The following CYTH2 variants were observed in gnomAD, a reference collection of about 807,000 sequenced individuals.
CYTH2 encodes cytohesin 2.
CYTH2 carries 24 observed loss-of-function variants against 55.4 expected under a neutral mutation model. The ratio of observed to expected loss-of-function variants is 0.43; its 90% CI spans 0.31 to 0.61. CYTH2 has a LOEUF of 0.61. CYTH2 is among the 20% of genes least tolerant of loss of function. The pLI, the probability that CYTH2 is intolerant of heterozygous loss-of-function variation, is 0.08. For synonymous variants in CYTH2, 221 were observed against 209.6 expected (o/e 1.05, Z -0.47); for missense variants, 378 against 533.5 (o/e 0.71, Z 2.87).
Position 48,473,319 on chromosome 19 carries a change from G to A in CYTH2, c.375G>A (p.Val125=). The A allele has an allele frequency of 6.2e-7, 1 of 1,614,102 alleles. No homozygotes were observed. The highest frequency in any genetic ancestry group is 1.1e-5 in the South Asian group (1 of 91,080). The part of the protein sequence containing the change: ...LGEREELNLA[V]LHAFVDLHEF... ...CCAGGGAAGAACTGAACCTGGCAGT[G>A]CTCCATGCTTTTGTGGATCTGCATG... Residue 125 remains valine, a synonymous_variant, in exon 5 of 12, where the codon GTG becomes GTA. Coordinates refer to ENST00000452733, the MANE Select transcript of CYTH2 (RefSeq NM_004228.7).
At chr19:48,475,045 T>G in intron 8 of CYTH2, 96 bp downstream of exon 8, 1 of 1,081,402 alleles carries the variant, frequency 9.2e-7, no homozygotes, top group Non-Finnish European at 1.4e-6. Context: ...CTGCCTGAAC[T>G]GAGGCAAATG....
intron 4 of CYTH2, 28 bp downstream of exon 4, chr19:48,472,471 G>GCGCCCCCCCCCCCCCCCCC: frequency 6.3e-7 from 1 of 1,584,682 alleles, no homozygotes. Context: ...CTCCTGTGGG[G>GCGCCCCCCCCCCCCCCCCC]CCCCTCCCTC....
chr19:48,479,890 C>T lies in CYTH2; in HGVS notation c.*680C>T, dbSNP rs937098264. ...GCAAGGGCCTTGCTGATGGGATGTC[C>T]TGAAGGGCTGGGCAGCCTTAGATCG... On this transcript the variant is annotated 3_prime_UTR_variant, in exon 12 of 12. Coordinates refer to ENST00000452733, the MANE Select transcript of CYTH2 (RefSeq NM_004228.7). 6.6e-6 allele frequency: 1 copy of T among 151,304 alleles called. No individual in the cohort carries two copies. The highest frequency in any genetic ancestry group is 1.5e-5 in the Non-Finnish European group (1 of 67,860). 9.4% of individuals were successfully genotyped at this position (151,304 alleles called of 1,614,324 possible).
Position 48,469,403 on chromosome 19 carries a change from G to T in CYTH2, c.-105G>T. 8.0e-7 allele frequency: 1 copy of T among 1,245,768 alleles called. No homozygotes were observed. Among genetic ancestry groups the T allele is most frequent in the Non-Finnish European group, 1.0e-6 (1 of 973,058 alleles). The allele number at this position is 1,245,768 out of a possible 1,614,324, so 77.2% of individuals were successfully genotyped here. ...GACTGGCGCTGAGGAGGCGGCGGTG[G>T]CTCCCGGGGCGTTTGAGCGGGCTCA... On this transcript the variant is annotated 5_prime_UTR_variant, in exon 1 of 12. Transcript: ENST00000452733.
In CYTH2 at chr19:48,479,663, C is replaced by T. The variant is rs904729763; in HGVS notation, c.*453C>T. 6.0e-6 allele frequency: 1 copy of T among 165,296 alleles called. No homozygotes were observed. Among genetic ancestry groups the T allele is most frequent in the Admixed American group, 5.7e-5 (1 of 17,686 alleles). 10.2% of individuals were successfully genotyped at this position (165,296 alleles called of 1,614,324 possible). On this transcript the variant is annotated 3_prime_UTR_variant, in exon 12 of 12. Coordinates refer to ENST00000452733, the MANE Select transcript of CYTH2 (RefSeq NM_004228.7). ...AGCATTCATTCTAGAAGTTACTTGACAGCCATCAGCCAGTTACGCTACAGC... is the reference window on the plus strand; with the variant it reads ...AGCATTCATTCTAGAAGTTACTTGATAGCCATCAGCCAGTTACGCTACAGC...
intron 4 of CYTH2, 21 bp downstream of exon 4, chr19:48,472,464 C>A (rs773686916): frequency 6.2e-6 from 10 of 1,604,762 alleles, no homozygotes; most frequent in Non-Finnish European, 8.5e-6. Flanking sequence ...CACTCAGCTC[C>A]TGTGGGGCCC....
intron 8 of CYTH2, chr19:48,477,648 G>C (rs923309580): frequency 5.2e-6 from 1 of 192,618 alleles, no homozygotes; most frequent in African/African-American, 2.3e-5. Flanking sequence ...GGCTCTTGGG[G>C]GTGCTCCATT....
Position 48,479,319 on chromosome 19 carries a change from C to T in CYTH2, c.*109C>T. 1.0e-6 allele frequency: 1 copy of T among 986,130 alleles called. No individual in the cohort carries two copies. The highest frequency in any genetic ancestry group is 1.6e-6 in the Non-Finnish European group (1 of 635,566). The allele number at this position is 986,130 out of a possible 1,614,324, so 61.1% of individuals were successfully genotyped here. On this transcript the variant is annotated 3_prime_UTR_variant, in exon 12 of 12. Transcript: ENST00000452733. ...GGTTCCCTGTTTGGAAAATTCACCACCTCTAGCTCCTCACTGTTCTTTGTA... is the reference window on the plus strand; with the variant it reads ...GGTTCCCTGTTTGGAAAATTCACCATCTCTAGCTCCTCACTGTTCTTTGTA...
intron 11 of CYTH2, 97 bp from the exon 12 acceptor site, chr19:48,479,026 G>A (rs887430808): frequency 7.8e-7 from 1 of 1,288,118 alleles, no homozygotes; most frequent in Non-Finnish European, 1.1e-6. Flanking sequence ...TGAGGGAGGA[G>A]GGGCCGGGGG....
Position 48,479,503 on chromosome 19 carries a change from C to A in CYTH2, c.*293C>A. 1 of 436,722 alleles carries A rather than the reference C, an allele frequency of 2.3e-6. No homozygotes were observed. Among genetic ancestry groups the A allele is most frequent in the Non-Finnish European group, 4.2e-6 (1 of 238,292 alleles). 27.1% of individuals were successfully genotyped at this position (436,722 alleles called of 1,614,324 possible). A position where few individuals can be genotyped will look rare whatever the true frequency, so the allele number is the denominator to read the frequency against. ...TGTCTCTGGGTGCTGCCTGGGCTGT[C>A]CCGGTGGGTCTGTTCTGGTTTCACC... On this transcript the variant is annotated 3_prime_UTR_variant, in exon 12 of 12. Transcript: ENST00000452733.
In CYTH2 at chr19:48,474,744, A is replaced by G; in HGVS notation, c.697-94A>G. 9.7e-7 allele frequency: 1 copy of G among 1,034,074 alleles called. No homozygotes were observed. The highest frequency in any genetic ancestry group is 1.5e-6 in the Non-Finnish European group (1 of 667,094). 64.1% of individuals were successfully genotyped at this position (1,034,074 alleles called of 1,614,324 possible). On this transcript the variant is annotated intron_variant, in intron 7 of 11. Transcript: ENST00000452733. The surrounding 1 kb of genome is among the most constrained non-coding windows in gnomAD (Gnocchi z 4.9). ...CTACCCCTCTCTCTTCCCCACTATG[A>G]GTCATCCCATCCCTGGTCTCGCTGC... is the stretch of plus-strand genomic sequence containing the variant.
rs767366958 is a variant in CYTH2 at position 48,472,390 on chromosome 19, G to C, written c.300G>C (p.Leu100=). ...QNTPEEIARF[L]YKGEGLNKTA... Reference sequence around the variant, plus strand: ...CACCCGAGGAGATCGCCCGCTTCCTGTACAAGGGCGAGGGGCTGAACAAGA... The same window carrying C: ...CACCCGAGGAGATCGCCCGCTTCCTCTACAAGGGCGAGGGGCTGAACAAGA... The change falls in exon 4 of 12, where the codon CTG becomes CTC. Residue 100 remains leucine (L), a synonymous_variant. Transcript: ENST00000452733. The C allele has an allele frequency of 6.2e-7, 1 of 1,613,884 alleles. No individual in the cohort carries two copies. Among genetic ancestry groups the C allele is most frequent in the Non-Finnish European group, 8.5e-7 (1 of 1,180,032 alleles).
rs1569093140 is a variant in CYTH2, at chr19:48,478,713, GCCTGGGTCTGACGGAGGAGGGGCT to G, written c.1112+122_1112+145del. The G allele has an allele frequency of 5.8e-6, 4 of 683,832 alleles. No individual in the cohort carries two copies. In the African/African-American group the frequency reaches 9.3e-5, roughly 16 times the overall value. 42.4% of individuals were successfully genotyped at this position (683,832 alleles called of 1,614,324 possible). On this transcript the variant is annotated intron_variant, in intron 11 of 11. Coordinates refer to ENST00000452733, the MANE Select transcript of CYTH2 (RefSeq NM_004228.7). Reference sequence around the variant, plus strand: ...ATGGAGGAGGGGCTGGGGCCTGGACGCCTGGGTCTGACGGAGGAGGGGCTGGGGCCTGGACTCCTGGGTCTGACG... The same window carrying G: ...ATGGAGGAGGGGCTGGGGCCTGGACGGGGGCCTGGACTCCTGGGTCTGACG...
intron 1 of CYTH2, chr19:48,470,130 C>T: frequency 2.7e-6 from 2 of 743,320 alleles, no homozygotes; most frequent in Non-Finnish European, 4.8e-6. Flanking sequence ...CCCTCAGACT[C>T]AGGAATCCGG....
intron 1 of CYTH2, chr19:48,469,763 G>T (rs1971746836): frequency 1.5e-6 from 1 of 666,848 alleles, no homozygotes; most frequent in Non-Finnish European, 2.5e-6. Context: ...GGGCGGGATG[G>T]AGTGGTGGAG....
chr19:48,469,413 C>G lies in CYTH2; in HGVS notation c.-95C>G. 1 of 1,274,486 alleles carries G rather than the reference C, an allele frequency of 7.8e-7. No individual in the cohort carries two copies. Among genetic ancestry groups the G allele is most frequent in the Non-Finnish European group, 1.0e-6 (1 of 995,204 alleles). The allele number at this position is 1,274,486 out of a possible 1,614,324, so 78.9% of individuals were successfully genotyped here. On this transcript the variant is annotated 5_prime_UTR_variant, in exon 1 of 12. Coordinates refer to ENST00000452733, the MANE Select transcript of CYTH2 (RefSeq NM_004228.7). ...GAGGAGGCGGCGGTGGCTCCCGGGGCGTTTGAGCGGGCTCACCCGAGCCCG... is the reference window on the plus strand; with the variant it reads ...GAGGAGGCGGCGGTGGCTCCCGGGGGGTTTGAGCGGGCTCACCCGAGCCCG...
At position 48,473,891 on chromosome 19, in the gene CYTH2, C is replaced by G; in HGVS notation, c.435-14C>G. On this transcript the variant is annotated splice_polypyrimidine_tract_variant and intron_variant, in intron 5 of 11. Transcript: ENST00000452733. ...CCAGCCCTGGCATCCATTCCTGGCC[C>G]CTCCCCAACCCAGGCAGTTTCTATG... 1.9e-6 allele frequency: 3 copies of G among 1,588,434 alleles called. No individual in the cohort carries two copies. The highest frequency in any genetic ancestry group is 2.6e-6 in the Non-Finnish European group (3 of 1,167,594).
In CYTH2 at chr19:48,474,882, G is replaced by C. The variant is rs1971879391; in HGVS notation, c.741G>C (p.Glu247Asp). Residue 247 changes from glutamate to aspartate, a missense_variant, in exon 8 of 12, where the codon GAG becomes GAC. Transcript: ENST00000452733. The surrounding 1 kb of genome is among the most constrained non-coding windows in gnomAD (Gnocchi z 4.9). The part of the protein sequence containing the change: ...SIRNEPFKIP[E>D]DDGNDLTHTF... Reference sequence around the variant, plus strand: ...GAAATGAGCCCTTCAAGATTCCTGAGGATGACGGGAATGACCTGACCCACA... The same window carrying C: ...GAAATGAGCCCTTCAAGATTCCTGACGATGACGGGAATGACCTGACCCACA... 6.2e-7 allele frequency: 1 copy of C among 1,614,066 alleles called. No individual in the cohort carries two copies. The highest frequency in any genetic ancestry group is 8.5e-7 in the Non-Finnish European group (1 of 1,180,032).
chr19:48,470,615 A>ACGGAAC lies in CYTH2; in HGVS notation c.186_191dup (p.Asn62_Arg63dup), dbSNP rs774399664. 3 of 1,614,228 alleles carry ACGGAAC rather than the reference A, an allele frequency of 1.9e-6. 1 individual carries two copies. In the South Asian group the frequency reaches 3.3e-5, roughly 18 times the overall value. The stretch of plus-strand genomic sequence containing the variant: ...TCTGCTCCTGCAGTAAGACCTTGCA[A>ACGGAAC]CGGAACCGGAAGATGGCAATGGGCA... On this transcript the variant is annotated inframe_insertion, in exon 3 of 12. Coordinates refer to ENST00000452733, the MANE Select transcript of CYTH2 (RefSeq NM_004228.7).
Sources: gnomAD v4.1 joint callset for allele counts on GRCh38, gnomAD v4.1.1 for gene constraint, Gnocchi (gnomAD v3.1) non-coding constraint, MANE v1.5 for transcripts, NCBI Gene and HGNC (gene_info 2026-07-23, HGNC 2026-07-21) for gene names.